The following KY variants were observed in gnomAD, a reference collection of about 807,000 sequenced individuals.
The protein encoded by KY is kyphoscoliosis peptidase.
Under a neutral mutation model 76.1 loss-of-function variants are expected in KY, and 43 were observed. The observed-to-expected ratio is 0.57, with a 90% confidence interval of 0.44 to 0.73. The LOEUF (loss-of-function observed/expected upper bound fraction) is 0.73. KY is among the 30% of genes least tolerant of loss of function. The pLI is 0.00. For synonymous variants in KY, 277 were observed against 326.2 expected, an observed-to-expected ratio of 0.85 and a Z score of 1.63; for missense variants, 722 against 828.9, an observed-to-expected ratio of 0.87 and a Z score of 1.58.
chr3:134,645,352 GC>G (rs1966315029), intron 2 of KY, among the ~76,000 whole-genome samples: 1 of 152,172 alleles, frequency 6.6e-6, no homozygotes, highest in Admixed American at 6.5e-5. Context: ...GGGAAAATGT[GC>G]CCTTCTGGAT....
At chr3:134,620,698 G>T in intron 7 of KY, 51 bp downstream of exon 7, 1 of 1,314,400 alleles carries the variant, frequency 7.6e-7, no homozygotes, top group Non-Finnish European at 1.1e-6. Flanking sequence ...GAGGCCTGCA[G>T]GGAATGGAAG....
Position 134,603,363 on chromosome 3 carries a change from C to T in KY, c.*216G>A. ...ATAGCACCTTTTCCTTCTAAAGAGC[C>T]ACTGCCTCTGCCCCCTCAGTCACAG... On this transcript the variant is annotated 3_prime_UTR_variant, in exon 11 of 11. Transcript: ENST00000423778. 2.1e-6 allele frequency: 1 copy of T among 484,120 alleles called. No homozygotes were observed. Among genetic ancestry groups the T allele is most frequent in the Non-Finnish European group, 3.6e-6 (1 of 275,100 alleles). 30.0% of individuals were successfully genotyped at this position (484,120 alleles called of 1,614,324 possible).
intron 3 of KY, among the ~76,000 whole-genome samples, chr3:134,640,201 T>A (rs541149779): frequency 4.2e-5 from 6 of 143,152 alleles, no homozygotes; most frequent in African/African-American, 1.0e-4. Flanking sequence ...AATCTCAGAC[T>A]GCACATTGAG....
intron 5 of KY, among the ~76,000 whole-genome samples, chr3:134,626,711 C>A (rs1462039048): frequency 6.6e-6 from 1 of 152,208 alleles, no homozygotes; most frequent in Non-Finnish European, 1.5e-5. Flanking sequence ...TCTGGGCCAG[C>A]ATGGTTTGAG....
intron 8 of KY, 96 bp from the exon 9 acceptor site, chr3:134,610,479 T>A: frequency 9.6e-7 from 1 of 1,042,386 alleles, no homozygotes. Flanking sequence ...TTGCTGCCCA[T>A]CAGTCCTCCC....
chr3:134,615,399 G>T (rs1961354425), intron 8 of KY: 1 of 141,012 alleles, frequency 7.1e-6, no homozygotes, highest in Non-Finnish European at 1.5e-5. Flanking sequence ...TTGGGAAAAT[G>T]GAAAAATCAT....
At chr3:134,616,815 C>G (rs1301679354) in intron 8 of KY, among the ~76,000 whole-genome samples, 1 of 152,134 alleles carries the variant, frequency 6.6e-6, no homozygotes, top group Admixed American at 6.5e-5. Context: ...GGACTCCAAT[C>G]AATACTCAAG....
chr3:134,641,821 G>A (rs1965800837), intron 3 of KY, among the ~76,000 whole-genome samples: 1 of 152,136 alleles, frequency 6.6e-6, no homozygotes, highest in Non-Finnish European at 1.5e-5. Context: ...AGGATTGTCT[G>A]TGTCTCCTCA....
At chr3:134,649,168 G>A (rs1966786357) in intron 1 of KY, among the ~76,000 whole-genome samples, 1 of 152,110 alleles carries the variant, frequency 6.6e-6, no homozygotes, top group African/African-American at 2.4e-5. Flanking sequence ...GGTGAGAAAC[G>A]GCCATCAGAA....
rs1301015828 is a variant in KY, at chr3:134,602,369, A to G, written c.*1210T>C. 2.0e-5 allele frequency among the ~76,000 whole-genome samples: 3 copies of G among 152,108 alleles called. No homozygotes were observed. In the East Asian group the frequency reaches 5.8e-4, roughly 29 times the overall value. ...CCTCTCAGTCTGTGCCTGAGCAAGC[A>G]AGGAGCCCTGAGCTGTCCCCATGCA... On this transcript the variant is annotated 3_prime_UTR_variant, in exon 11 of 11. Transcript: ENST00000423778.
In KY at chr3:134,603,615, G is replaced by C; in HGVS notation, c.1950C>G (p.Tyr650Ter). ...TCACTTTGTATTTCAGGATGTAGGA[G>C]TAGAAATTGTGGTTGGCATTCTCCA... ...MVLENANHNFYSYILKYKVNA... is the reference protein window; with the variant it reads ...MVLENANHNF The change falls in exon 11 of 11, where the codon TAC becomes TAG. Residue 650 changes from tyrosine to a stop codon, truncating the protein, a stop_gained. Coordinates refer to ENST00000423778, the MANE Select transcript of KY (RefSeq NM_178554.6). LOFTEE classifies it high-confidence loss of function. 6.2e-7 allele frequency: 1 copy of C among 1,600,348 alleles called. No individual in the cohort carries two copies. Among genetic ancestry groups the C allele is most frequent in the Non-Finnish European group, 8.5e-7 (1 of 1,171,260 alleles).
chr3:134,625,930 C>T (rs901414447), intron 5 of KY, among the ~76,000 whole-genome samples: 1 of 152,280 alleles, frequency 6.6e-6, no homozygotes, highest in Non-Finnish European at 1.5e-5. Context: ...GGCCAGCAAT[C>T]ATGCAAGCTT....
chr3:134,649,318 C>T (rs533222952), intron 1 of KY, among the ~76,000 whole-genome samples: 1 of 152,260 alleles, frequency 6.6e-6, no homozygotes, highest in South Asian at 2.1e-4. Flanking sequence ...TCAGGGCAGT[C>T]CTGATGCCTG....
intron 10 of KY, chr3:134,607,577 G>A (rs1428087726): frequency 1.0e-6 from 1 of 985,486 alleles, no homozygotes; most frequent in African/African-American, 1.7e-5. Context: ...GCGTGCCCAG[G>A]CTGTGTGCCC....
chr3:134,633,703 G>A (rs751336444), intron 3 of KY, among the ~76,000 whole-genome samples: 1 of 152,122 alleles, frequency 6.6e-6, no homozygotes, highest in Non-Finnish European at 1.5e-5. Flanking sequence ...ACAAGTCATA[G>A]ATATCCACTC....
At chr3:134,624,318 C>A (rs944565331) in intron 6 of KY, among the ~76,000 whole-genome samples, 1 of 152,220 alleles carries the variant, frequency 6.6e-6, no homozygotes, top group African/African-American at 2.4e-5. Flanking sequence ...AGAAGGATGT[C>A]CTCAACTTAT....
chr3:134,636,318 G>A (rs1964960753), intron 3 of KY, among the ~76,000 whole-genome samples: 1 of 152,224 alleles, frequency 6.6e-6, no homozygotes, highest in Non-Finnish European at 1.5e-5. Context: ...TGGTCACAAA[G>A]TGCAATTCCT....
At chr3:134,650,659 C>CG (rs1966860815) in intron 1 of KY, among the ~76,000 whole-genome samples, 166 bp downstream of exon 1, 1 of 152,136 alleles carries the variant, frequency 6.6e-6, no homozygotes, top group African/African-American at 2.4e-5. Flanking sequence ...CGCGTTGCCA[C>CG]GGGACGCCGG....
At position 134,604,546 on chromosome 3, in the gene KY, CTG is replaced by C; in HGVS notation, c.1091-74_1091-73del. 3.0e-6 allele frequency: 4 copies of C among 1,345,744 alleles called. No homozygotes were observed. The Admixed American group carries it at 8.5e-5, about 29-fold the overall frequency. The allele number at this position is 1,345,744 out of a possible 1,614,324, so 83.4% of individuals were successfully genotyped here. ...TGATGTGCTGGTAAATGTTTAACAA[CTG>C]TCTCCCTGGGAGAAAAACGTCCTGA... On this transcript the variant is annotated intron_variant, in intron 10 of 10. Transcript: ENST00000423778.
Sources: allele counts gnomAD v4.1 joint callset (sites outside exome capture counted in the v4.1 genomes callset), GRCh38; gene constraint gnomAD v4.1.1; transcripts MANE v1.5; gene names NCBI Gene and HGNC (gene_info 2026-07-23, HGNC 2026-07-21).